ALDH16A1: variants seen among roughly 807,000 people sequenced by gnomAD.
The protein encoded by ALDH16A1 is aldehyde dehydrogenase 16 family member A1.
In ALDH16A1, 88 loss-of-function variants were observed where a neutral mutation model predicts 96.1. The observed-to-expected ratio is 0.92, with a 90% CI of 0.77 to 1.09. The LOEUF (loss-of-function observed/expected upper bound fraction) is 1.09. Ranked by LOEUF, ALDH16A1 falls within the 50% of genes least tolerant of loss-of-function variation. ALDH16A1 has a pLI of 0.00. For synonymous variants in ALDH16A1, 522 were observed against 496.4 expected, an observed-to-expected ratio of 1.05 and a Z score of -0.69; for missense variants, 1,250 against 1,112.6, an observed-to-expected ratio of 1.12 and a Z score of -1.76.
chr19:49,466,608 C>G (rs1025970114), intron 14 of ALDH16A1, among the ~76,000 whole-genome samples: 1 of 152,198 alleles, frequency 6.6e-6, no homozygotes, highest in Non-Finnish European at 1.5e-5. Flanking sequence ...CGCCTGTAAT[C>G]CCAGTACTTC....
chr19:49,454,811 C>T (rs563771114), intron 1 of ALDH16A1, among the ~76,000 whole-genome samples: 4 of 151,944 alleles, frequency 2.6e-5, no homozygotes, highest in East Asian at 3.9e-4. Context: ...AGTGAAACCT[C>T]GTCTCTACTA....
rs1568657392 is a variant in ALDH16A1 at position 49,468,345 on chromosome 19, T to TCCCCTGCCCCACACGTGACC, written c.1939-34_1939-15dup. The TCCCCTGCCCCACACGTGACC allele has an allele frequency of 6.3e-7, 1 of 1,584,430 alleles. No homozygotes were observed. Among genetic ancestry groups the TCCCCTGCCCCACACGTGACC allele is most frequent in the Non-Finnish European group, 8.5e-7 (1 of 1,171,082 alleles). On this transcript the variant is annotated intron_variant, in intron 14 of 16. Transcript: ENST00000293350. This position sits in a 1 kb window ranked among gnomAD's most constrained non-coding sequence, Gnocchi z 4.4. ...ATCTCTCATTTACTGCGGGCGGGGC[T>TCCCCTGCCCCACACGTGACC]CCCCTGCCCCACACGTGACCCACCT...
chr19:49,470,261 A>C, intron 16 of ALDH16A1, 45 bp from the exon 17 acceptor site: 6 of 1,607,870 alleles, frequency 3.7e-6, no homozygotes, highest in Non-Finnish European at 5.1e-6. Flanking sequence ...GGTGCTCAGC[A>C]ACAAGCCTGC....
Position 49,459,068 on chromosome 19 carries a change from G to C in ALDH16A1, c.302G>C (p.Arg101Pro). 6.2e-7 allele frequency: 1 copy of C among 1,612,888 alleles called. No individual in the cohort carries two copies. Among genetic ancestry groups the C allele is most frequent in the Non-Finnish European group, 8.5e-7 (1 of 1,179,888 alleles). The change falls in exon 3 of 17, where the codon CGG becomes CCG. Residue 101 changes from arginine (R) to proline (P), a missense_variant. Physicochemically the swap from Arg to Pro is moderately radical, Grantham distance 103. Coordinates refer to ENST00000293350, the MANE Select transcript of ALDH16A1 (RefSeq NM_153329.4). The surrounding 1 kb of genome is among the most constrained non-coding windows in gnomAD (Gnocchi z 4.1). ...KGWSAHPGVV[R>P]AQHLTRLAEV... ...TGGAGTGCGCACCCCGGCGTCGTCC[G>C]GGCCCAGCACCTGACCAGGTGATGC...
Position 49,465,725 on chromosome 19 carries a change from CA to C in ALDH16A1, c.1569-12del. 1 of 1,607,474 alleles carries C rather than the reference CA, an allele frequency of 6.2e-7. No individual in the cohort carries two copies. Among genetic ancestry groups the C allele is most frequent in the Non-Finnish European group, 8.5e-7 (1 of 1,175,902 alleles). ...GGCCCCAGGACTCCTCCTCATGTCC[CA>C]CCCTACTCCAGCCCAGCACCCCCCT... On this transcript the variant is annotated splice_polypyrimidine_tract_variant and intron_variant, in intron 12 of 16. Coordinates refer to ENST00000293350, the MANE Select transcript of ALDH16A1 (RefSeq NM_153329.4).
In ALDH16A1 at chr19:49,464,542, G is replaced by T; in HGVS notation, c.1437+20G>T. 2 of 1,612,146 alleles carry T rather than the reference G, an allele frequency of 1.2e-6. No individual in the cohort carries two copies. The highest frequency in any genetic ancestry group is 2.7e-5 in the African/African-American group (2 of 74,930). On this transcript the variant is annotated intron_variant, in intron 11 of 16. Coordinates refer to ENST00000293350, the MANE Select transcript of ALDH16A1 (RefSeq NM_153329.4). ...CCAGACGTGAGTACATCCCCTCCCC[G>T]TCACCAGCCCCCCCGCCGCCCCATG...
At position 49,470,969 on chromosome 19, in the gene ALDH16A1, C is replaced by T. The variant is rs2079241359; in HGVS notation, c.*502C>T. The T allele has an allele frequency of 6.6e-6, 1 of 152,630 alleles. No individual in the cohort carries two copies. The highest frequency in any genetic ancestry group is 2.4e-5 in the African/African-American group (1 of 41,540). The allele number at this position is 152,630 out of a possible 1,614,324, so 9.5% of individuals were successfully genotyped here. On this transcript the variant is annotated 3_prime_UTR_variant, in exon 17 of 17. Coordinates refer to ENST00000293350, the MANE Select transcript of ALDH16A1 (RefSeq NM_153329.4). ...TTCTCCATCTGGTGGCTCTTGCTCT[C>T]TGGTTTTCTCTACCTTTTCATGGCC...
At position 49,462,035 on chromosome 19, in the gene ALDH16A1, C is replaced by G; in HGVS notation, c.911C>G (p.Pro304Arg). The G allele has an allele frequency of 6.5e-7, 1 of 1,539,868 alleles. No homozygotes were observed. Among genetic ancestry groups the G allele is most frequent in the Non-Finnish European group, 8.7e-7 (1 of 1,147,366 alleles). ...VVDAAWSDRG[P>R]GGLRLLIQES... Reference sequence around the variant, plus strand: ...GACGCCGCCTGGTCCGACCGCGGCCCGGTGAGACCCGTGCGCTCCCGTCTC... The same window carrying G: ...GACGCCGCCTGGTCCGACCGCGGCCGGGTGAGACCCGTGCGCTCCCGTCTC... Residue 304 changes from proline to arginine, a missense_variant and splice_region_variant, in exon 7 of 17, where the codon CCG becomes CGG. Physicochemically the swap from Pro to Arg is moderately radical, Grantham distance 103 (BLOSUM62 -2). Transcript: ENST00000293350.
At chr19:49,457,316 G>C (rs2079110367) in intron 1 of ALDH16A1, among the ~76,000 whole-genome samples, 1 of 151,970 alleles carries the variant, frequency 6.6e-6, no homozygotes, top group Non-Finnish European at 1.5e-5. Flanking sequence ...GGGAGGCCGA[G>C]GCGGGCGGAT....
rs1874657085 is a variant in ALDH16A1, at chr19:49,457,946, T to C, written c.91-540T>C. Among the ~76,000 whole-genome samples the C allele has an allele frequency of 2.0e-5, 3 of 152,012 alleles. No individual in the cohort carries two copies. The South Asian group carries it at 6.2e-4, about 31-fold the overall frequency. ...CCCTAATTGAATGAATTAAAGATGTTGACACATCCATAATCCCAGCACTTT... is the reference window on the plus strand; with the variant it reads ...CCCTAATTGAATGAATTAAAGATGTCGACACATCCATAATCCCAGCACTTT... On this transcript the variant is annotated intron_variant, in intron 1 of 16. Transcript: ENST00000293350.
rs1168280192 is a variant in ALDH16A1 at position 49,464,618 on chromosome 19, C to T, written c.1438-14C>T. On this transcript the variant is annotated splice_polypyrimidine_tract_variant and intron_variant, in intron 11 of 16. Transcript: ENST00000293350. The stretch of plus-strand genomic sequence containing the variant: ...CGTGCCCCTTGCATCCTCTTGACAC[C>T]GTCCCTCTCACAGGGGCTGTATGAG... 9 of 1,613,986 alleles carry T rather than the reference C, an allele frequency of 5.6e-6. No homozygotes were observed. Among genetic ancestry groups the T allele is most frequent in the East Asian group, 2.2e-5 (1 of 44,890 alleles).
chr19:49,454,646 G>A (rs2946870), intron 1 of ALDH16A1, among the ~76,000 whole-genome samples: 10,098 of 152,230 alleles, frequency 0.066, 1,115 homozygotes, highest in African/African-American at 0.23. Flanking sequence ...CCAGGCGAAA[G>A]GAGCTTAGGC....
chr19:49,465,016 C>G (rs957875748), intron 12 of ALDH16A1, among the ~76,000 whole-genome samples: 4 of 152,186 alleles, frequency 2.6e-5, no homozygotes, highest in African/African-American at 9.6e-5. Context: ...TTCACTGGAG[C>G]AGAAGCTTGG....
rs148219021 is a variant in ALDH16A1 at position 49,460,835 on chromosome 19, C to T, written c.513C>T (p.Leu171=). The stretch of plus-strand genomic sequence containing the variant: ...TTTTTCTTGCAGGAGTAATTGGCCT[C>T]ATCCTGCCACCCACATTCTCCTTCC... The part of the protein sequence containing the change: ...AGWEPMGVIG[L]ILPPTFSFLE... Residue 171 remains leucine, a synonymous_variant, in exon 5 of 17, where the codon CTC becomes CTT. Coordinates refer to ENST00000293350, the MANE Select transcript of ALDH16A1 (RefSeq NM_153329.4). 80 of 1,613,234 alleles carry T rather than the reference C, an allele frequency of 5.0e-5. No individual in the cohort carries two copies. The highest frequency in any genetic ancestry group is 1.2e-4 in the Admixed American group (7 of 59,966).
chr19:49,454,003 C>T (rs1003222512), intron 1 of ALDH16A1, among the ~76,000 whole-genome samples: 8 of 146,652 alleles, frequency 5.5e-5, no homozygotes, highest in Non-Finnish European at 3.0e-5. Flanking sequence ...TACATCAGGA[C>T]TTCCGGTTTG....
intron 7 of ALDH16A1, 143 bp downstream of exon 7, chr19:49,462,179 C>A (rs1329907890): frequency 1.6e-6 from 2 of 1,284,562 alleles, no homozygotes; most frequent in East Asian, 2.9e-5. Flanking sequence ...GTCGCCCAGG[C>A]TGGGGTGCAG....
At position 49,459,947 on chromosome 19, in the gene ALDH16A1, G is replaced by C. The variant is rs1469235596; in HGVS notation, c.499+99G>C. Reference sequence around the variant, plus strand: ...TTCTTTTAGACAGAGTTTCGCTCTTGTCGCCCAGGCCGGAGTGCAGTGGCG... The same window carrying C: ...TTCTTTTAGACAGAGTTTCGCTCTTCTCGCCCAGGCCGGAGTGCAGTGGCG... On this transcript the variant is annotated intron_variant, in intron 4 of 16. Transcript: ENST00000293350. The surrounding 1 kb of genome is among the most constrained non-coding windows in gnomAD (Gnocchi z 4.1). 1 of 1,407,880 alleles carries C rather than the reference G, an allele frequency of 7.1e-7. No individual in the cohort carries two copies. The highest frequency in any genetic ancestry group is 9.5e-7 in the Non-Finnish European group (1 of 1,058,102). The allele number at this position is 1,407,880 out of a possible 1,614,324, so 87.2% of individuals were successfully genotyped here. A position where few individuals can be genotyped will look rare whatever the true frequency, so the allele number is the denominator to read the frequency against.
chr19:49,461,628 T>C lies in ALDH16A1; in HGVS notation c.587T>C (p.Val196Ala). The C allele has an allele frequency of 6.3e-7, 1 of 1,591,448 alleles. No homozygotes were observed. The highest frequency in any genetic ancestry group is 8.5e-7 in the Non-Finnish European group (1 of 1,170,004). Residue 196 changes from valine to alanine, a missense_variant, in exon 6 of 17, where the codon GTG (valine) becomes GCG (alanine). Coordinates refer to ENST00000293350, the MANE Select transcript of ALDH16A1 (RefSeq NM_153329.4). Reference sequence around the variant, plus strand: ...TGCCCCACTTCCCCAGGCTGCACCGTGGTGGCCCTCGTGCCCCCGGCCTCC... The same window carrying C: ...TGCCCCACTTCCCCAGGCTGCACCGCGGTGGCCCTCGTGCCCCCGGCCTCC... ...ICPALAVGCT[V>A]VALVPPASPA...
chr19:49,457,274 G>A (rs1399504390), intron 1 of ALDH16A1, among the ~76,000 whole-genome samples: 17 of 151,060 alleles, frequency 1.1e-4, no homozygotes, highest in Admixed American at 1.3e-4. Flanking sequence ...AAGTCCGGGC[G>A]CAGTGGCTCA....
Sources: gnomAD v4.1 joint callset for allele counts (sites outside exome capture counted in the v4.1 genomes callset) on GRCh38, gnomAD v4.1.1 for gene constraint, Gnocchi (gnomAD v3.1) non-coding constraint, MANE v1.5 for transcripts, NCBI Gene and HGNC (gene_info 2026-07-23, HGNC 2026-07-21) for gene names.